Variants in TACR3 observed in about 807,000 individuals in gnomAD.
TACR3 encodes the protein neuromedin-K receptor.
Under a neutral mutation model 35.0 loss-of-function variants are expected in TACR3, and 34 were observed. That is an observed-to-expected ratio of 0.97 (90% CI 0.74 to 1.30). The LOEUF (loss-of-function observed/expected upper bound fraction) is 1.30, where lower values mean the gene tolerates loss of function less well. Ranked by LOEUF, TACR3 falls within the 50% of genes most tolerant of loss-of-function variation. TACR3 has a pLI of 0.00. For synonymous variants in TACR3, 233 were observed against 221.1 expected (o/e 1.05, Z -0.48); for missense variants, 558 against 591.7 (o/e 0.94, Z 0.59).
At chr4:103,707,084 G>A (rs1722811961) in intron 1 of TACR3, among the ~76,000 whole-genome samples, 1 of 152,172 alleles carries the variant, frequency 6.6e-6, no homozygotes, top group African/African-American at 2.4e-5. Flanking sequence ...CCACTCGGTG[G>A]AATGCTAAAT....
Position 103,591,663 on chromosome 4 carries a change from A to T in TACR3, c.909T>A (p.Ile303=), listed in dbSNP as rs1723900391. The T allele has an allele frequency of 6.2e-7, 1 of 1,613,062 alleles. No individual in the cohort carries two copies. Among genetic ancestry groups the T allele is most frequent in the African/African-American group, 1.3e-5 (1 of 74,890 alleles). ...AKRKVVKMMI[I]VVMTFAICWL... is the part of the protein sequence containing the mutation. ...AGCAGATAGCAAATGTCATGACAACAATAATCATCATTTTGACAACCTATA... is the reference window on the plus strand; with the variant it reads ...AGCAGATAGCAAATGTCATGACAACTATAATCATCATTTTGACAACCTATA... The change falls in exon 4 of 5, where the codon ATT becomes ATA. Residue 303 remains isoleucine, a synonymous_variant. Transcript: ENST00000304883.
intron 1 of TACR3, among the ~76,000 whole-genome samples, chr4:103,675,999 T>G (rs543559445): frequency 6.6e-6 from 1 of 152,302 alleles, no homozygotes; most frequent in East Asian, 1.9e-4. Context: ...TACAGAATAA[T>G]CACTCTGAAT....
intron 1 of TACR3, among the ~76,000 whole-genome samples, chr4:103,696,779 C>T (rs1220217149): frequency 1.3e-5 from 2 of 152,138 alleles, no homozygotes; most frequent in African/African-American, 4.8e-5. Flanking sequence ...TATCAACATT[C>T]CCTCCATCAG....
At chr4:103,656,398 G>T (rs1725735439) in intron 2 of TACR3, 54 bp from the exon 3 acceptor site, 2 of 1,564,352 alleles carry the variant, frequency 1.3e-6, no homozygotes, top group South Asian at 1.1e-5. Flanking sequence ...TGAAATATTG[G>T]GGACTGAATT....
intron 3 of TACR3, among the ~76,000 whole-genome samples, chr4:103,594,206 T>C (rs886867593): frequency 1.3e-5 from 2 of 150,828 alleles, no homozygotes; most frequent in African/African-American, 2.4e-5. Flanking sequence ...AGACAGAGTC[T>C]CACTCTTGTC....
intron 1 of TACR3, among the ~76,000 whole-genome samples, chr4:103,696,872 C>T (rs1722531329): frequency 6.6e-6 from 1 of 152,106 alleles, no homozygotes; most frequent in Non-Finnish European, 1.5e-5. Flanking sequence ...AATTTCTTCA[C>T]TCTACTTTCA....
Position 103,586,203 on chromosome 4 carries a change from C to T in TACR3, c.*3479G>A, listed in dbSNP as rs1723769609. 6.6e-6 allele frequency: 1 copy of T among 151,154 alleles called. No homozygotes were observed. The highest frequency in any genetic ancestry group is 1.5e-5 in the Non-Finnish European group (1 of 67,906). 9.4% of individuals were successfully genotyped at this position (151,154 alleles called of 1,614,324 possible). A position where few individuals can be genotyped will look rare whatever the true frequency, so the allele number is the denominator to read the frequency against. ...TATATACATTTACTTCTTATATAAA[C>T]AGATTTTTCATATATATATATATAT... is the stretch of plus-strand genomic sequence containing the variant. On this transcript the variant is annotated 3_prime_UTR_variant, in exon 5 of 5. Coordinates refer to ENST00000304883, the MANE Select transcript of TACR3 (RefSeq NM_001059.3).
At chr4:103,593,661 C>T (rs1174957201) in intron 3 of TACR3, among the ~76,000 whole-genome samples, 1 of 152,080 alleles carries the variant, frequency 6.6e-6, no homozygotes, top group Non-Finnish European at 1.5e-5. Context: ...CTGGCTCCTC[C>T]CTCTACCTAG....
chr4:103,670,638 C>T (rs936878549), intron 1 of TACR3, among the ~76,000 whole-genome samples: 24 of 152,024 alleles, frequency 1.6e-4, no homozygotes, highest in Middle Eastern at 3.4e-3. Flanking sequence ...TATAGGAATG[C>T]TATTGATTTT....
At chr4:103,703,125 A>G (rs1300430862) in intron 1 of TACR3, among the ~76,000 whole-genome samples, 1 of 152,190 alleles carries the variant, frequency 6.6e-6, no homozygotes, top group Admixed American at 6.5e-5. Context: ...AGTTTAATCA[A>G]TTTGTCCTAT....
intron 1 of TACR3, among the ~76,000 whole-genome samples, chr4:103,713,271 T>C (rs569043011): frequency 2.1e-4 from 32 of 152,078 alleles, no homozygotes; most frequent in Middle Eastern, 3.4e-3. Context: ...GTGGCACATA[T>C]ACACTATGGA....
chr4:103,674,966 A>G (rs139697746), intron 1 of TACR3, among the ~76,000 whole-genome samples: 2 of 152,228 alleles, frequency 1.3e-5, no homozygotes, highest in African/African-American at 4.8e-5. Context: ...TTATCCTCCT[A>G]AAGAATGAAT....
At chr4:103,687,930 G>T (rs1356310767) in intron 1 of TACR3, among the ~76,000 whole-genome samples, 1 of 152,060 alleles carries the variant, frequency 6.6e-6, no homozygotes, top group Non-Finnish European at 1.5e-5. Flanking sequence ...AAAAGAGCCC[G>T]CATCGCCAAG....
chr4:103,710,916 C>T lies in TACR3; in HGVS notation c.548+8212G>A, dbSNP rs1238176591. 3.9e-5 allele frequency among the ~76,000 whole-genome samples: 6 copies of T among 152,152 alleles called. No individual in the cohort carries two copies. The East Asian group carries it at 7.7e-4, about 20-fold the overall frequency. ...GAAGAAATGGATAAATTCCTGGACACATACACCCTCCCAAGACTAAACCAG... is the reference window on the plus strand; with the variant it reads ...GAAGAAATGGATAAATTCCTGGACATATACACCCTCCCAAGACTAAACCAG... On this transcript the variant is annotated intron_variant, in intron 1 of 4. Transcript: ENST00000304883.
At chr4:103,688,704 A>T (rs1006874611) in intron 1 of TACR3, among the ~76,000 whole-genome samples, 1 of 151,494 alleles carries the variant, frequency 6.6e-6, no homozygotes, top group Non-Finnish European at 1.5e-5. Flanking sequence ...ATGAGATATC[A>T]TCTCACACCA....
chr4:103,650,541 A>T (rs1725569939), intron 3 of TACR3, among the ~76,000 whole-genome samples: 2 of 130,946 alleles, frequency 1.5e-5, no homozygotes, highest in Non-Finnish European at 3.1e-5. Context: ...ATATATAAAT[A>T]TATAAAATAA....
At chr4:103,657,636 C>G (rs1725758318) in intron 2 of TACR3, among the ~76,000 whole-genome samples, 1 of 152,030 alleles carries the variant, frequency 6.6e-6, no homozygotes, top group Admixed American at 6.6e-5. Context: ...ATAAATTACA[C>G]AATTACATTA....
chr4:103,624,407 G>T (rs1294340268), intron 3 of TACR3: 1 of 151,978 alleles, frequency 6.6e-6, no homozygotes, highest in African/African-American at 2.4e-5. Context: ...AATCAAAAGG[G>T]ATAAAGTAAT....
chr4:103,656,440 A>G, intron 2 of TACR3, 96 bp from the exon 3 acceptor site: 4 of 1,186,658 alleles, frequency 3.4e-6, no homozygotes, highest in East Asian at 2.4e-5. Context: ...TAAAACTACC[A>G]AGAGTTATTT....
Sources: gnomAD v4.1 joint callset for allele counts (sites outside exome capture counted in the v4.1 genomes callset) on GRCh38, gnomAD v4.1.1 for gene constraint, MANE v1.5 for transcripts, NCBI Gene and HGNC (gene_info 2026-07-23, HGNC 2026-07-21) for gene names.